Variants in PAXBP1 observed in about 807,000 individuals in gnomAD.
The protein encoded by PAXBP1 is PAX3- and PAX7-binding protein 1.
In PAXBP1, 44 loss-of-function variants were observed where a neutral mutation model predicts 119.9. The observed-to-expected ratio is 0.37, with a 90% confidence interval of 0.29 to 0.47. PAXBP1 has a LOEUF of 0.47. PAXBP1 is among the 20% of genes least tolerant of loss of function. PAXBP1 has a pLI of 0.99. For missense variants in PAXBP1, 898 were observed against 1,134.1 expected, an observed-to-expected ratio of 0.79 and a Z score of 2.99; for synonymous variants, 393 against 406.6, an observed-to-expected ratio of 0.97 and a Z score of 0.40.
chr21:32,744,009 T>G (rs545752429), intron 13 of PAXBP1, among the ~76,000 whole-genome samples: 1 of 152,234 alleles, frequency 6.6e-6, no homozygotes, highest in Middle Eastern at 3.4e-3. Context: ...AGACACATAA[T>G]CTAGCTCTCA....
chr21:32,751,258 A>C, intron 8 of PAXBP1, 40 bp from the exon 9 acceptor site: 1 of 1,579,046 alleles, frequency 6.3e-7, no homozygotes, highest in Non-Finnish European at 8.7e-7. Flanking sequence ...GCCATCTTTC[A>C]ACAATCTTGA....
chr21:32,738,159 T>C lies in PAXBP1; in HGVS notation c.2481+14A>G. ...ATTATATGCTTTAAAAACTGTACTA[T>C]GCATTTAACTCACATTTTGGGCTTT... On this transcript the variant is annotated intron_variant, in intron 16 of 17. Transcript: ENST00000331923. The C allele has an allele frequency of 6.4e-7, 1 of 1,557,226 alleles. No individual in the cohort carries two copies. Among genetic ancestry groups the C allele is most frequent in the Non-Finnish European group, 8.6e-7 (1 of 1,158,772 alleles).
At chr21:32,749,143 T>C (rs1028766201) in intron 10 of PAXBP1, among the ~76,000 whole-genome samples, 2 of 152,152 alleles carry the variant, frequency 1.3e-5, no homozygotes, top group Non-Finnish European at 2.9e-5. Flanking sequence ...CATAGCCAAC[T>C]ATCAGCTGAA....
At chr21:32,750,060 T>C (rs1158259874) in intron 10 of PAXBP1, among the ~76,000 whole-genome samples, 1 of 152,210 alleles carries the variant, frequency 6.6e-6, no homozygotes, top group Admixed American at 6.5e-5. Flanking sequence ...TTAAGAAATC[T>C]GTTTTCTTAT....
chr21:32,759,765 G>T lies in PAXBP1; in HGVS notation c.1193+12C>A. 3 of 1,602,564 alleles carry T rather than the reference G, an allele frequency of 1.9e-6. No homozygotes were observed. Among genetic ancestry groups the T allele is most frequent in the South Asian group, 1.1e-5 (1 of 90,650 alleles). ...CTAGCGGACAGGTCTTTAAGAAGTT[G>T]ATCTGCCCTACCTGTCTTTAAGCTG... On this transcript the variant is annotated intron_variant, in intron 6 of 17. Transcript: ENST00000331923.
intron 2 of PAXBP1, 69 bp downstream of exon 2, chr21:32,769,745 C>T (rs2044302820): frequency 3.2e-6 from 5 of 1,539,156 alleles, no homozygotes; most frequent in Non-Finnish European, 4.4e-6. Context: ...AGAAGATATA[C>T]AGCAAATCAC....
intron 17 of PAXBP1, 146 bp downstream of exon 17, chr21:32,737,108 A>T: frequency 1.5e-6 from 1 of 664,610 alleles, no homozygotes; most frequent in South Asian, 4.8e-5. Context: ...CTAAAATGAA[A>T]AATTATGTGC....
At chr21:32,751,770 C>A (rs888883437) in intron 8 of PAXBP1, 1 of 152,268 alleles carries the variant, frequency 6.6e-6, no homozygotes, top group Admixed American at 6.5e-5. Context: ...GACCAACTTC[C>A]GCCTTCTCAA....
rs562226036 is a variant in PAXBP1, at chr21:32,743,731, C to G, written c.2214G>C (p.Leu738Phe). 1.1e-5 allele frequency: 17 copies of G among 1,593,476 alleles called. No homozygotes were observed. The East Asian group carries it at 3.6e-4, about 34-fold the overall frequency. ...NTQVYLKALL[L>F]RMRRTLDDDV... ...CATCATCTAAAGTTCTTCTCATTCTCAATAAAAGTGCCTTTAGGTATACCT... is the reference window on the plus strand; with the variant it reads ...CATCATCTAAAGTTCTTCTCATTCTGAATAAAAGTGCCTTTAGGTATACCT... The change falls in exon 14 of 18, where the codon TTG becomes TTC. Residue 738 changes from leucine (L) to phenylalanine (F), a missense_variant. By Grantham distance (22) the Leu-to-Phe change is conservative. Transcript: ENST00000331923.
chr21:32,771,560 CCGGCGGCGGCAACAACGG>C lies in PAXBP1; in HGVS notation c.91_108del (p.Pro31_Pro36del). On this transcript the variant is annotated inframe_deletion, in exon 1 of 18. Coordinates refer to ENST00000331923, the MANE Select transcript of PAXBP1 (RefSeq NM_016631.4). ...CCGGGGCCCGCCTCTTCGCCCGTGC[CCGGCGGCGGCAACAACGG>C]CGGCGGCTCCTGCTCCTCATCGCGT... The C allele has an allele frequency of 7.0e-7, 1 of 1,422,640 alleles. No homozygotes were observed. The highest frequency in any genetic ancestry group is 9.2e-7 in the Non-Finnish European group (1 of 1,091,902). 88.1% of individuals were successfully genotyped at this position (1,422,640 alleles called of 1,614,324 possible).
chr21:32,770,980 T>A (rs899318927), intron 1 of PAXBP1, among the ~76,000 whole-genome samples: 1 of 152,160 alleles, frequency 6.6e-6, no homozygotes, highest in Non-Finnish European at 1.5e-5. Flanking sequence ...TCGGAAAGCA[T>A]GCCAAGAGCA....
chr21:32,750,526 G>A (rs1341053433), intron 10 of PAXBP1, among the ~76,000 whole-genome samples: 1 of 152,100 alleles, frequency 6.6e-6, no homozygotes, highest in Non-Finnish European at 1.5e-5. Context: ...TTCCTCTAAG[G>A]TGAGATTACT....
chr21:32,762,570 G>A (rs1173403235), intron 3 of PAXBP1, among the ~76,000 whole-genome samples: 2 of 151,750 alleles, frequency 1.3e-5, no homozygotes, highest in Non-Finnish European at 2.9e-5. Flanking sequence ...GGGGTAAAAA[G>A]GAAAAACCCA....
At chr21:32,753,350 C>T (rs989021885) in intron 8 of PAXBP1, among the ~76,000 whole-genome samples, 21 of 137,302 alleles carry the variant, frequency 1.5e-4, no homozygotes, top group African/African-American at 5.4e-4. Flanking sequence ...TGCTTGAACC[C>T]GGGAGGCGGA....
At chr21:32,752,477 A>G (rs888719010) in intron 8 of PAXBP1, among the ~76,000 whole-genome samples, 1 of 152,204 alleles carries the variant, frequency 6.6e-6, no homozygotes, top group African/African-American at 2.4e-5. Flanking sequence ...GAGCACATGC[A>G]AGATGAAAGA....
intron 2 of PAXBP1, among the ~76,000 whole-genome samples, chr21:32,767,006 T>TACTAGAGTAG (rs1381465457): frequency 6.6e-6 from 1 of 151,968 alleles, no homozygotes; most frequent in Non-Finnish European, 1.5e-5. Context: ...CATGTAGGCT[T>TACTAGAGTAG]ACTAGAGTAG....
At chr21:32,741,510 C>A in intron 15 of PAXBP1, 1 of 777,270 alleles carries the variant, frequency 1.3e-6, no homozygotes, top group Non-Finnish European at 2.4e-6. Flanking sequence ...ATCTACTGCT[C>A]AAGAGAAGAC....
At chr21:32,756,097 T>G (rs949512544) in intron 7 of PAXBP1, 6 of 217,616 alleles carry the variant, frequency 2.8e-5, no homozygotes, top group Admixed American at 5.5e-5. Flanking sequence ...TCAATAATTT[T>G]TCCAGGTTAA....
Position 32,764,478 on chromosome 21 carries a change from T to C in PAXBP1, c.519A>G (p.Gln173=), listed in dbSNP as rs1418450166. Residue 173 remains glutamine, a synonymous_variant, in exon 3 of 18, where the codon CAA becomes CAG. Transcript: ENST00000331923. ...DKTGHVKDTN[Q]EDGVIISEHG... ...GTTCACTGATGATAACTCCATCTTC[T>C]TGATTTGTATCCTTAACATGTCCTG... 1 of 1,613,754 alleles carries C rather than the reference T, an allele frequency of 6.2e-7. No homozygotes were observed. Among genetic ancestry groups the C allele is most frequent in the Non-Finnish European group, 8.5e-7 (1 of 1,179,820 alleles).
Sources: gnomAD v4.1 joint callset for allele counts (sites outside exome capture counted in the v4.1 genomes callset) on GRCh38, gnomAD v4.1.1 for gene constraint, MANE v1.5 for transcripts, NCBI Gene and HGNC (gene_info 2026-07-23, HGNC 2026-07-21) for gene names.